Variants in IGSF11 observed in about 807,000 individuals in gnomAD.
The protein encoded by IGSF11 is CXADR like 1.
Under a neutral mutation model 41.0 loss-of-function variants are expected in IGSF11, and 22 were observed. That is an observed-to-expected ratio of 0.54 (90% CI 0.38 to 0.77). IGSF11 has a LOEUF of 0.77. Among genes scored for constraint, IGSF11 ranks in the 30% least tolerant of loss-of-function variants. IGSF11 has a pLI of 0.00. For missense variants in IGSF11, 444 were observed against 530.8 expected (o/e 0.84, Z 1.61); for synonymous variants, 219 against 201.3 (o/e 1.09, Z -0.74).
At chr3:118,978,145 AC>A (rs1043621735) in intron 1 of IGSF11, among the ~76,000 whole-genome samples, 2 of 152,140 alleles carry the variant, frequency 1.3e-5, no homozygotes, top group African/African-American at 4.8e-5. Context: ...CCACCTGAGC[AC>A]ACCATCCAGG....
At chr3:119,052,893 G>T (rs1215647376) in intron 1 of IGSF11, among the ~76,000 whole-genome samples, 1 of 151,978 alleles carries the variant, frequency 6.6e-6, no homozygotes, top group Non-Finnish European at 1.5e-5. Flanking sequence ...TAAAACAAAG[G>T]TCATATGATC....
chr3:119,106,595 T>C (rs550289389), upstream of IGSF11, among the ~76,000 whole-genome samples: 1 of 152,154 alleles, frequency 6.6e-6, no homozygotes, highest in African/African-American at 2.4e-5. Context: ...TTTTTTTTTA[T>C]TATTATTACA....
chr3:119,102,621 A>T lies in IGSF11; in HGVS notation c.49+2523T>A, dbSNP rs973356673. 2.0e-5 allele frequency among the ~76,000 whole-genome samples: 3 copies of T among 152,330 alleles called. No individual in the cohort carries two copies. In the East Asian group the frequency reaches 5.8e-4, roughly 29 times the overall value. ...AATTATATATTCAAATATTGCATCT[A>T]GTCCATTGAATCTATACTCATTGTT... is the stretch of plus-strand genomic sequence containing the variant. On this transcript the variant is annotated intron_variant, in intron 1 of 6. Coordinates refer to the IGSF11 transcript ENST00000354673.
At chr3:119,027,909 A>T (rs1939978580) in intron 1 of IGSF11, among the ~76,000 whole-genome samples, 1 of 152,192 alleles carries the variant, frequency 6.6e-6, no homozygotes, top group Non-Finnish European at 1.5e-5. Context: ...ATAAAAGCCT[A>T]AAATGTTAGT....
chr3:118,926,087 A>C lies in IGSF11; in HGVS notation c.580+14T>G. The C allele has an allele frequency of 6.6e-7, 1 of 1,504,914 alleles. No homozygotes were observed. The highest frequency in any genetic ancestry group is 1.4e-5 in the African/African-American group (1 of 71,764). The allele number at this position is 1,504,914 out of a possible 1,614,324, so 93.2% of individuals were successfully genotyped here. On this transcript the variant is annotated intron_variant, in intron 4 of 6. Transcript: ENST00000393775. ...TGATAACTAATAAAATGGGTAAAGC[A>C]GCACTGTACATACCCTGAGTAGCTG...
chr3:118,901,363 G>A lies in IGSF11; in HGVS notation c.*1157C>T, dbSNP rs1193780163. The A allele has an allele frequency of 6.6e-6, 1 of 152,136 alleles. No individual in the cohort carries two copies. The highest frequency in any genetic ancestry group is 1.9e-4 in the East Asian group (1 of 5,192). 9.4% of individuals were successfully genotyped at this position (152,136 alleles called of 1,614,324 possible). On this transcript the variant is annotated 3_prime_UTR_variant, in exon 7 of 7. Transcript: ENST00000393775. ...GGTAGACACTTCCAGGAGCACACCA[G>A]AAGATAACACCTTTAGTCTCAGTCT...
At chr3:119,145,344 C>T (rs948374178) in intron 1 of IGSF11, among the ~76,000 whole-genome samples, 2 of 152,200 alleles carry the variant, frequency 1.3e-5, no homozygotes, top group African/African-American at 4.8e-5. Context: ...TGAAAGTAGA[C>T]AGCCTACTGA....
chr3:119,089,150 C>T (rs1390022335), intron 1 of IGSF11, among the ~76,000 whole-genome samples: 1 of 151,994 alleles, frequency 6.6e-6, no homozygotes, highest in Non-Finnish European at 1.5e-5. Context: ...ATACCAATAT[C>T]CCTCATTAAC....
At chr3:119,001,947 T>C (rs1936935834) in intron 1 of IGSF11, among the ~76,000 whole-genome samples, 1 of 137,088 alleles carries the variant, frequency 7.3e-6, no homozygotes, top group Non-Finnish European at 1.5e-5. Flanking sequence ...TGCATGTGTC[T>C]TTATAGCAGC....
intron 1 of IGSF11, among the ~76,000 whole-genome samples, chr3:119,030,732 C>T (rs1490037556): frequency 1.3e-5 from 2 of 152,154 alleles, no homozygotes; most frequent in Admixed American, 6.5e-5. Flanking sequence ...GATTTCAGAT[C>T]CTCCAGATGG....
intron 1 of IGSF11, among the ~76,000 whole-genome samples, chr3:119,130,617 T>G (rs2077468817): frequency 6.6e-6 from 1 of 152,138 alleles, no homozygotes; most frequent in Admixed American, 6.6e-5. Flanking sequence ...AGACACCACC[T>G]CTGTGGGCAG....
At chr3:118,914,035 A>C (rs192730772) in intron 4 of IGSF11, among the ~76,000 whole-genome samples, 47 of 152,308 alleles carry the variant, frequency 3.1e-4, no homozygotes, top group Admixed American at 7.8e-4. Flanking sequence ...CTATGGTCCT[A>C]TTATTTGGAT....
chr3:119,126,173 C>A (rs2077402919), intron 1 of IGSF11, among the ~76,000 whole-genome samples: 1 of 152,240 alleles, frequency 6.6e-6, no homozygotes, highest in African/African-American at 2.4e-5. Flanking sequence ...CCAGGCTGCG[C>A]TTTTCCGCTG....
chr3:119,036,054 G>C (rs1940885970), upstream of IGSF11, among the ~76,000 whole-genome samples: 1 of 152,110 alleles, frequency 6.6e-6, no homozygotes, highest in Non-Finnish European at 1.5e-5. Flanking sequence ...GTGGAGTTAT[G>C]GATGTACTTC....
chr3:118,990,201 A>G (rs72968654), intron 1 of IGSF11, among the ~76,000 whole-genome samples: 3,615 of 152,290 alleles, frequency 0.024, 143 homozygotes, highest in African/African-American at 0.083. Flanking sequence ...TTATGTTTTC[A>G]TTGTTCTGAC....
At chr3:119,034,071 CA>C (rs1559822578) in intron 1 of IGSF11, among the ~76,000 whole-genome samples, 1 of 152,162 alleles carries the variant, frequency 6.6e-6, no homozygotes, top group Non-Finnish European at 1.5e-5. Context: ...CATTTTCGGC[CA>C]AAACGTGTAT....
chr3:118,952,719 A>G (rs1480682630), intron 1 of IGSF11, among the ~76,000 whole-genome samples: 1 of 152,146 alleles, frequency 6.6e-6, no homozygotes, highest in Non-Finnish European at 1.5e-5. Flanking sequence ...ACTTGTAGAT[A>G]CACAAAAATG....
intron 1 of IGSF11, among the ~76,000 whole-genome samples, chr3:119,076,309 T>C (rs2076498311): frequency 6.6e-6 from 1 of 152,134 alleles, no homozygotes; most frequent in South Asian, 2.1e-4. Flanking sequence ...ATAAAAACCC[T>C]AGAAGAAAAC....
chr3:119,020,856 T>C (rs975281992), intron 1 of IGSF11, among the ~76,000 whole-genome samples: 1 of 152,210 alleles, frequency 6.6e-6, no homozygotes, highest in African/African-American at 2.4e-5. Flanking sequence ...CAATTACTTA[T>C]TTTCTGATTC....
Sources: gnomAD v4.1 joint callset for allele counts (sites outside exome capture counted in the v4.1 genomes callset) on GRCh38, gnomAD v4.1.1 for gene constraint, MANE v1.5 for transcripts, NCBI Gene and HGNC (gene_info 2026-07-23, HGNC 2026-07-21) for gene names.